Variants in SLC10A7 observed in about 807,000 individuals in gnomAD.
The protein encoded by SLC10A7 is solute carrier family 10 member 7, also known as sodium/bile acid cotransporter 7.
A neutral mutation model predicts 43.2 loss-of-function variants in SLC10A7; 29 were observed. That is an observed-to-expected ratio of 0.67 (90% CI 0.50 to 0.92). The LOEUF is 0.92. Ranked by LOEUF, SLC10A7 falls within the 40% of genes least tolerant of loss-of-function variation. The pLI, the probability that SLC10A7 is intolerant of heterozygous loss-of-function variation, is 0.00. For synonymous variants in SLC10A7, 152 were observed against 144.8 expected, an observed-to-expected ratio of 1.05 and a Z score of -0.35; for missense variants, 295 against 403.2, an observed-to-expected ratio of 0.73 and a Z score of 2.30.
At chr4:146,317,103 T>TA (rs758888552) in intron 6 of SLC10A7, among the ~76,000 whole-genome samples, 31 of 152,062 alleles carry the variant, frequency 2.0e-4, no homozygotes, top group Non-Finnish European at 3.1e-4. Flanking sequence ...TCTCTACAAA[T>TA]AGAGTGTGAG....
intron 5 of SLC10A7, among the ~76,000 whole-genome samples, chr4:146,371,373 T>C (rs1736766009): frequency 6.7e-6 from 1 of 148,692 alleles, no homozygotes; most frequent in Non-Finnish European, 1.5e-5. Flanking sequence ...TTCTTCCTTG[T>C]ATACAAAGTC....
chr4:146,314,655 A>G (rs1412228346), intron 6 of SLC10A7, among the ~76,000 whole-genome samples: 1 of 152,138 alleles, frequency 6.6e-6, no homozygotes, highest in Non-Finnish European at 1.5e-5. Context: ...ATATATGAAG[A>G]TGGTGTCATC....
At chr4:146,508,964 C>A (rs996344967) in intron 3 of SLC10A7, among the ~76,000 whole-genome samples, 53 of 152,308 alleles carry the variant, frequency 3.5e-4, no homozygotes, top group African/African-American at 1.3e-3. Flanking sequence ...AGGCTCTGGC[C>A]TTCCTGGCTG....
At chr4:146,442,233 ATC>A in intron 5 of SLC10A7, 1 of 864,000 alleles carries the variant, frequency 1.2e-6, no homozygotes, top group Non-Finnish European at 1.3e-6. Flanking sequence ...CTACTTTTGA[ATC>A]TTTATATATA....
chr4:146,428,424 T>C (rs1729529357), intron 5 of SLC10A7, among the ~76,000 whole-genome samples: 2 of 152,168 alleles, frequency 1.3e-5, no homozygotes. Flanking sequence ...AATTATGAAC[T>C]CATCAAACTC....
chr4:146,466,375 C>T lies in SLC10A7; in HGVS notation c.397-23554G>A, dbSNP rs184394566. Among the ~76,000 whole-genome samples, 44 of 138,988 alleles carry T rather than the reference C, an allele frequency of 3.2e-4. No homozygotes were observed. The East Asian group carries it at 5.8e-3, about 18-fold the overall frequency. 91.2% of individuals were successfully genotyped at this position (138,988 alleles called of 152,430 possible). A position where few individuals can be genotyped will look rare whatever the true frequency, so the allele number is the denominator to read the frequency against. On this transcript the variant is annotated intron_variant, in intron 4 of 11. Coordinates refer to ENST00000335472, the MANE Select transcript of SLC10A7 (RefSeq NM_001029998.6). The stretch of plus-strand genomic sequence containing the variant: ...AGTATAAAAACAAATTGCTTCACCT[C>T]CAAAACCCCTGGAAGTGGCCCCACT...
chr4:146,285,174 G>A (rs1031606124), intron 9 of SLC10A7, among the ~76,000 whole-genome samples: 10 of 152,112 alleles, frequency 6.6e-5, no homozygotes, highest in Admixed American at 2.6e-4. Context: ...GAGTTGATAT[G>A]ATGGGATAAG....
intron 5 of SLC10A7, among the ~76,000 whole-genome samples, chr4:146,415,793 T>C (rs1728518334): frequency 6.6e-6 from 1 of 152,160 alleles, no homozygotes; most frequent in South Asian, 2.1e-4. Flanking sequence ...ATATTAAAAA[T>C]ATCTACCACA....
chr4:146,390,605 C>T (rs1335404679), intron 5 of SLC10A7, among the ~76,000 whole-genome samples: 1 of 152,118 alleles, frequency 6.6e-6, no homozygotes, highest in Non-Finnish European at 1.5e-5. Context: ...CACTGCACTC[C>T]AGTCTGGGTG....
At chr4:146,449,851 T>C (rs910261185) in intron 4 of SLC10A7, among the ~76,000 whole-genome samples, 1 of 152,180 alleles carries the variant, frequency 6.6e-6, no homozygotes, top group African/African-American at 2.4e-5. Flanking sequence ...ATTTAAAGTT[T>C]CAAACTAGAA....
chr4:146,256,777 G>A, intron 11 of SLC10A7: 1 of 1,372,270 alleles, frequency 7.3e-7, no homozygotes, highest in South Asian at 1.3e-5. Context: ...TGGTAGCCTT[G>A]GGTCTCAATC....
intron 5 of SLC10A7, among the ~76,000 whole-genome samples, chr4:146,357,567 C>T (rs1735745023): frequency 6.6e-6 from 1 of 152,210 alleles, no homozygotes; most frequent in Non-Finnish European, 1.5e-5. Flanking sequence ...CAACCATGCT[C>T]TACCATAAGT....
chr4:146,404,818 C>T lies in SLC10A7; in HGVS notation c.435+37965G>A, dbSNP rs548574114. ...GAACTTTGGATATAAAAGCACTTCC[C>T]TGATATTTCACTGTAAAAATAAACT... On this transcript the variant is annotated intron_variant, in intron 5 of 11. Coordinates refer to ENST00000335472, the MANE Select transcript of SLC10A7 (RefSeq NM_001029998.6). Among the ~76,000 whole-genome samples the T allele has an allele frequency of 3.2e-4, 48 of 152,164 alleles. No individual in the cohort carries two copies. The South Asian group carries it at 8.9e-3, about 28-fold the overall frequency.
At chr4:146,284,216 G>C (rs1729734058) in intron 9 of SLC10A7, among the ~76,000 whole-genome samples, 1 of 152,130 alleles carries the variant, frequency 6.6e-6, no homozygotes. Context: ...TCTGAACTCT[G>C]ACAGAAGAGT....
At chr4:146,328,890 A>G (rs1270779825) in intron 5 of SLC10A7, among the ~76,000 whole-genome samples, 1 of 152,234 alleles carries the variant, frequency 6.6e-6, no homozygotes, top group Non-Finnish European at 1.5e-5. Flanking sequence ...CAGTAAGGAC[A>G]AAAAATATGA....
chr4:146,434,117 A>G (rs1730012423), intron 5 of SLC10A7, among the ~76,000 whole-genome samples: 1 of 152,176 alleles, frequency 6.6e-6, no homozygotes, highest in African/African-American at 2.4e-5. Context: ...AGAAATAAGA[A>G]TATGAGAAAA....
intron 4 of SLC10A7, among the ~76,000 whole-genome samples, chr4:146,466,348 C>T (rs1160521211): frequency 1.3e-5 from 2 of 152,062 alleles, no homozygotes; most frequent in Admixed American, 6.6e-5. Flanking sequence ...AGCACTGATA[C>T]AAGTATAAAA....
chr4:146,407,330 C>T (rs1431604757), intron 5 of SLC10A7, among the ~76,000 whole-genome samples: 1 of 152,170 alleles, frequency 6.6e-6, no homozygotes, highest in Non-Finnish European at 1.5e-5. Context: ...ATCAAGTTAA[C>T]GGACACATGC....
intron 4 of SLC10A7, among the ~76,000 whole-genome samples, chr4:146,461,299 T>C (rs939891224): frequency 6.6e-6 from 1 of 152,054 alleles, no homozygotes; most frequent in African/African-American, 2.4e-5. Flanking sequence ...TACTTAGCTA[T>C]GAAAACTCAT....
Sources: gnomAD v4.1 joint callset for allele counts (sites outside exome capture counted in the v4.1 genomes callset) on GRCh38, gnomAD v4.1.1 for gene constraint, MANE v1.5 for transcripts, NCBI Gene and HGNC (gene_info 2026-07-23, HGNC 2026-07-21) for gene names.